The following SMC5 variants were observed in gnomAD, a reference collection of about 807,000 sequenced individuals.
SMC5 encodes structural maintenance of chromosomes 5, also known as structural maintenance of chromosomes protein 5.
In SMC5, 88 loss-of-function variants were observed where a neutral mutation model predicts 148.3. The observed-to-expected ratio is 0.59, with a 90% CI of 0.50 to 0.71. SMC5 has a LOEUF of 0.71. Among genes scored for constraint, SMC5 ranks in the 30% least tolerant of loss-of-function variants. The pLI, the probability that SMC5 is intolerant of heterozygous loss-of-function variation, is 0.00. For missense variants in SMC5, 1,142 were observed against 1,298.9 expected, an observed-to-expected ratio of 0.88 and a Z score of 1.86; for synonymous variants, 421 against 432.8, an observed-to-expected ratio of 0.97 and a Z score of 0.34.
At chr9:70,273,248 T>C (rs2034499760) in intron 3 of SMC5, among the ~76,000 whole-genome samples, 1 of 151,912 alleles carries the variant, frequency 6.6e-6, no homozygotes, top group South Asian at 2.1e-4. Context: ...TTCATTTATT[T>C]ATAGTAATCG....
intron 8 of SMC5, among the ~76,000 whole-genome samples, chr9:70,294,817 G>C (rs143473806): frequency 0.014 from 2,177 of 152,244 alleles, 21 homozygotes; most frequent in Admixed American, 0.022. Flanking sequence ...CAAAGAGTTA[G>C]ATTGATTTTC....
rs536588703 is a variant in SMC5, at chr9:70,313,804, AT to A, written c.1579-931del. Among the ~76,000 whole-genome samples the A allele has an allele frequency of 3.9e-3, 598 of 152,140 alleles. 3 individuals are homozygous for A. Among genetic ancestry groups the A allele is most frequent in the African/African-American group, 0.013 (553 of 41,506 alleles). On this transcript the variant is annotated intron_variant, in intron 11 of 24. Transcript: ENST00000361138. ...TGTAAGCCACAGTGCCCAGCCAGTA[AT>A]TTTTTTATTATATTCTGGAATCGTG... is the stretch of plus-strand genomic sequence containing the variant.
At chr9:70,275,586 TG>T (rs1328828150) in intron 3 of SMC5, among the ~76,000 whole-genome samples, 30 of 152,324 alleles carry the variant, frequency 2.0e-4, no homozygotes, top group Non-Finnish European at 2.5e-4. Context: ...GATGTGAATC[TG>T]ATCTTAGTTT....
At chr9:70,282,364 A>ATAT in intron 6 of SMC5, 58 bp from the exon 7 acceptor site, 1 of 1,457,970 alleles carries the variant, frequency 6.9e-7, no homozygotes, top group Admixed American at 2.6e-5. Flanking sequence ...CTTGATTTTT[A>ATAT]GTATATGTGT....
chr9:70,282,614 G>A (rs781051122), intron 7 of SMC5, 31 bp downstream of exon 7: 1 of 1,529,474 alleles, frequency 6.5e-7, no homozygotes, highest in Non-Finnish European at 8.7e-7. Context: ...TGGATTATCT[G>A]AATTTTATTT....
chr9:70,286,344 G>C, intron 8 of SMC5, 73 bp downstream of exon 8: 1 of 919,066 alleles, frequency 1.1e-6, no homozygotes, highest in Non-Finnish European at 1.7e-6. Context: ...CAGATTATGA[G>C]ACAGATTCTT....
intron 13 of SMC5, among the ~76,000 whole-genome samples, chr9:70,317,867 A>G (rs2035843369): frequency 6.6e-6 from 1 of 152,236 alleles, no homozygotes; most frequent in Admixed American, 6.5e-5. Flanking sequence ...GGAACTAAAT[A>G]TAAGATTATG....
chr9:70,319,029 T>G lies in SMC5; in HGVS notation c.2150+66T>G. ...GTATGGGAGAATATTAATTATACACTGTAATAACAACAGCATTTCCACAAG... is the reference window on the plus strand; with the variant it reads ...GTATGGGAGAATATTAATTATACACGGTAATAACAACAGCATTTCCACAAG... On this transcript the variant is annotated intron_variant, in intron 15 of 24. Coordinates refer to ENST00000361138, the MANE Select transcript of SMC5 (RefSeq NM_015110.4). 5 of 1,359,182 alleles carry G rather than the reference T, an allele frequency of 3.7e-6. No individual in the cohort carries two copies. In the South Asian group the frequency reaches 8.5e-5, roughly 23 times the overall value. The allele number at this position is 1,359,182 out of a possible 1,614,324, so 84.2% of individuals were successfully genotyped here.
intron 6 of SMC5, among the ~76,000 whole-genome samples, chr9:70,281,122 C>G (rs2034738885): frequency 6.6e-6 from 1 of 151,700 alleles, no homozygotes; most frequent in Non-Finnish European, 1.5e-5. Flanking sequence ...ACTGCAACCT[C>G]TGCCTCCTGG....
At chr9:70,273,427 A>C (rs2034504108) in intron 3 of SMC5, among the ~76,000 whole-genome samples, 1 of 151,840 alleles carries the variant, frequency 6.6e-6, no homozygotes, top group Admixed American at 6.6e-5. Context: ...CTAAAGATTG[A>C]CTTGTCAATT....
chr9:70,347,908 T>G lies in SMC5; in HGVS notation c.2770-11T>G, dbSNP rs1205188470. On this transcript the variant is annotated splice_polypyrimidine_tract_variant and intron_variant, in intron 21 of 24. Transcript: ENST00000361138. ...TTTTAAATTGTGTTTTTATATTGCC[T>G]TTATTTGTAGGTAAAAGAAAGGTGG... 5 of 1,570,190 alleles carry G rather than the reference T, an allele frequency of 3.2e-6. No individual in the cohort carries two copies. Among genetic ancestry groups the G allele is most frequent in the Non-Finnish European group, 4.3e-6 (5 of 1,159,696 alleles).
intron 17 of SMC5, among the ~76,000 whole-genome samples, chr9:70,343,883 C>T (rs2036590625): frequency 6.6e-6 from 1 of 151,848 alleles, no homozygotes; most frequent in South Asian, 2.1e-4. Context: ...GCTAGACTTT[C>T]AGGAAAAGGC....
chr9:70,326,367 GAAAACTT>G (rs971537354), intron 17 of SMC5, among the ~76,000 whole-genome samples: 41 of 152,184 alleles, frequency 2.7e-4, no homozygotes, highest in African/African-American at 9.6e-4. Flanking sequence ...TATACCTCAT[GAAAACTT>G]ACGTAAATGG....
chr9:70,308,997 T>G (rs566703443), intron 11 of SMC5, among the ~76,000 whole-genome samples: 137 of 152,340 alleles, frequency 9.0e-4, no homozygotes, highest in Non-Finnish European at 1.5e-3. Flanking sequence ...GTTAAGTTTA[T>G]ACTATTTATA....
chr9:70,302,199 T>C (rs2035376922), intron 10 of SMC5, among the ~76,000 whole-genome samples: 1 of 151,990 alleles, frequency 6.6e-6, no homozygotes, highest in Non-Finnish European at 1.5e-5. Context: ...TGGTGAAACC[T>C]CGTCTCTACT....
chr9:70,293,839 T>C lies in SMC5; in HGVS notation c.1054-4127T>C, dbSNP rs150072960. 3.9e-3 allele frequency among the ~76,000 whole-genome samples: 599 copies of C among 152,296 alleles called. 3 individuals are homozygous for C. The highest frequency in any genetic ancestry group is 0.013 in the African/African-American group (554 of 41,582). ...CTTGGATAATTTCCTAGGAGTAGAA[T>C]ATCATTGGTGTGCGTTCAGTTTTTT... On this transcript the variant is annotated intron_variant, in intron 8 of 24. Coordinates refer to ENST00000361138, the MANE Select transcript of SMC5 (RefSeq NM_015110.4).
chr9:70,327,095 AAAAC>A (rs1443423469), intron 17 of SMC5, among the ~76,000 whole-genome samples: 2 of 152,342 alleles, frequency 1.3e-5, no homozygotes, highest in South Asian at 2.1e-4. Context: ...TTTTCTCAAA[AAAAC>A]AAACATTTCC....
Position 70,305,319 on chromosome 9 carries a change from G to C in SMC5, c.1537G>C (p.Val513Leu). 2.5e-6 allele frequency: 4 copies of C among 1,603,384 alleles called. No individual in the cohort carries two copies. The highest frequency in any genetic ancestry group is 3.4e-6 in the Non-Finnish European group (4 of 1,173,116). ...TCCATCAAATGACTTAAGAGCCTTT[G>C]TATTTGAAAGTCAAGAAGATATGGA... ...HIPSNDLRAF[V>L]FESQEDMEVF... Residue 513 changes from valine to leucine, a missense_variant, in exon 11 of 25, where the codon GTA (valine) becomes CTA (leucine). Physicochemically the swap from Val to Leu is conservative, Grantham distance 32 (BLOSUM62 1). Coordinates refer to ENST00000361138, the MANE Select transcript of SMC5 (RefSeq NM_015110.4).
At chr9:70,268,143 T>G (rs2034343515) in intron 3 of SMC5, among the ~76,000 whole-genome samples, 168 bp downstream of exon 3, 1 of 152,156 alleles carries the variant, frequency 6.6e-6, no homozygotes, top group Non-Finnish European at 1.5e-5. Context: ...AAAAAATATA[T>G]TTTAAAAACT....
Sources: allele counts gnomAD v4.1 joint callset (sites outside exome capture counted in the v4.1 genomes callset), GRCh38; gene constraint gnomAD v4.1.1; transcripts MANE v1.5; gene names NCBI Gene and HGNC (gene_info 2026-07-23, HGNC 2026-07-21).